SNX16: variants seen among roughly 807,000 people sequenced by gnomAD.
SNX16 encodes the protein sorting nexin 16.
In SNX16, 35 loss-of-function variants were observed where a neutral mutation model predicts 36.7. The ratio of observed to expected loss-of-function variants is 0.95; its 90% CI spans 0.73 to 1.27. The LOEUF (loss-of-function observed/expected upper bound fraction) is 1.27. Among genes scored for constraint, SNX16 ranks in the 50% most tolerant of loss-of-function variants. The pLI is 0.00. For missense variants in SNX16, 367 were observed against 393.6 expected (o/e 0.93, Z 0.57); for synonymous variants, 134 against 132.0 (o/e 1.02, Z -0.10).
chr8:81,832,058 C>G (rs1273325446), intron 2 of SNX16, among the ~76,000 whole-genome samples: 2 of 152,190 alleles, frequency 1.3e-5, no homozygotes, highest in African/African-American at 2.4e-5. Context: ...AATCCCATTC[C>G]TGGGTATATA....
intron 3 of SNX16, among the ~76,000 whole-genome samples, chr8:81,828,389 TTAAG>T (rs561518653): frequency 6.0e-4 from 92 of 152,314 alleles, no homozygotes; most frequent in African/African-American, 2.1e-3. Context: ...ATCTGTGATA[TTAAG>T]TGTTTTCCAG....
intron 5 of SNX16, among the ~76,000 whole-genome samples, chr8:81,807,141 C>T (rs1438061305): frequency 6.6e-6 from 1 of 152,110 alleles, no homozygotes; most frequent in African/African-American, 2.4e-5. Flanking sequence ...AGAATAAGGG[C>T]ACCCTTGTTC....
intron 4 of SNX16, among the ~76,000 whole-genome samples, chr8:81,816,951 ACTG>A (rs1810522405): frequency 6.6e-6 from 1 of 152,164 alleles, no homozygotes; most frequent in Non-Finnish European, 1.5e-5. Flanking sequence ...CTAGTAGAAA[ACTG>A]CAGTTGGCTG....
chr8:81,811,417 A>C (rs565544240), intron 5 of SNX16, among the ~76,000 whole-genome samples: 1 of 152,180 alleles, frequency 6.6e-6, no homozygotes, highest in Non-Finnish European at 1.5e-5. Context: ...CTTGAAAATG[A>C]CCTTAACTTT....
chr8:81,807,902 C>T lies in SNX16; in HGVS notation c.682-4674G>A, dbSNP rs995158634. 4.8e-5 allele frequency: 37 copies of T among 765,910 alleles called. No homozygotes were observed. The East Asian group carries it at 5.4e-4, about 11-fold the overall frequency. The allele number at this position is 765,910 out of a possible 1,614,324, so 47.4% of individuals were successfully genotyped here. On this transcript the variant is annotated intron_variant, in intron 5 of 7. Transcript: ENST00000345957. ...CAATGGGGAACCCTCACGAACTGTG[C>T]GGTAATGAGAAATCCAAACACCAGG... is the stretch of plus-strand genomic sequence containing the variant.
At position 81,810,281 on chromosome 8, in the gene SNX16, A is replaced by G. The variant is rs1162179862; in HGVS notation, c.681+5044T>C. Among the ~76,000 whole-genome samples, 3 of 152,198 alleles carry G rather than the reference A, an allele frequency of 2.0e-5. No individual in the cohort carries two copies. In the East Asian group the frequency reaches 5.8e-4, roughly 29 times the overall value. On this transcript the variant is annotated intron_variant, in intron 5 of 7. Transcript: ENST00000345957. ...CCTAATCTTAATTCCCTCTTTTAGT[A>G]CAAGTATATGAGGGGTAGAAATGAC...
chr8:81,838,563 G>C (rs1811598170), intron 2 of SNX16, among the ~76,000 whole-genome samples: 1 of 147,294 alleles, frequency 6.8e-6, no homozygotes, highest in Non-Finnish European at 1.5e-5. Flanking sequence ...CTGATTAATT[G>C]GTCCCATCTG....
At chr8:81,835,013 C>G (rs541495148) in intron 2 of SNX16, among the ~76,000 whole-genome samples, 1 of 152,250 alleles carries the variant, frequency 6.6e-6, no homozygotes, top group African/African-American at 2.4e-5. Flanking sequence ...CCTGCCCCTA[C>G]AGCAAACTTC....
At chr8:81,817,702 T>C (rs779321198) in intron 4 of SNX16, among the ~76,000 whole-genome samples, 19 of 152,180 alleles carry the variant, frequency 1.2e-4, no homozygotes, top group Non-Finnish European at 1.5e-4. Flanking sequence ...TCTATTTTCT[T>C]TCTAAGGAGA....
intron 5 of SNX16, among the ~76,000 whole-genome samples, chr8:81,810,759 T>C (rs10958045): frequency 0.66 from 100,563 of 151,860 alleles, 33,658 homozygotes; most frequent in South Asian, 0.69. Context: ...TGAGTGGGTA[T>C]GCTATTGGTG....
intron 7 of SNX16, among the ~76,000 whole-genome samples, chr8:81,802,066 G>A (rs1809723649): frequency 6.6e-6 from 1 of 151,566 alleles, no homozygotes; most frequent in African/African-American, 2.4e-5. Flanking sequence ...TATTGAGGGA[G>A]ATTAAGGTAA....
chr8:81,816,819 T>C (rs535022834), intron 4 of SNX16, among the ~76,000 whole-genome samples: 45 of 152,286 alleles, frequency 3.0e-4, no homozygotes, highest in African/African-American at 1.1e-3. Context: ...TGAGTGTGAA[T>C]ATGTGTCCTT....
At chr8:81,808,357 G>A (rs968504464) in intron 5 of SNX16, 3 of 1,302,260 alleles carry the variant, frequency 2.3e-6, no homozygotes, top group African/African-American at 1.4e-5. Flanking sequence ...CAAAGAGGTC[G>A]AAGTGGTTCT....
chr8:81,802,566 A>C, intron 6 of SNX16, 67 bp from the exon 7 acceptor site: 1 of 1,402,838 alleles, frequency 7.1e-7, no homozygotes, highest in Non-Finnish European at 9.8e-7. Context: ...AATGTTGTGA[A>C]TACAGGTAGC....
chr8:81,834,205 C>A (rs2130756941), intron 2 of SNX16, among the ~76,000 whole-genome samples: 1 of 152,254 alleles, frequency 6.6e-6, no homozygotes, highest in Admixed American at 6.5e-5. Flanking sequence ...CAAGGACATT[C>A]CCATTTTTAA....
chr8:81,816,256 C>T (rs1287890387), intron 4 of SNX16, among the ~76,000 whole-genome samples: 1 of 147,932 alleles, frequency 6.8e-6, no homozygotes, highest in Non-Finnish European at 1.5e-5. Context: ...GTGATGTGAT[C>T]TCGGCTCACT....
chr8:81,840,241 AAGAT>A (rs1811684065), intron 1 of SNX16, 159 bp from the exon 2 acceptor site: 1 of 347,740 alleles, frequency 2.9e-6, no homozygotes, highest in East Asian at 4.8e-5. Flanking sequence ...TCCTATTTGC[AAGAT>A]AGAGAGAGCA....
At chr8:81,806,672 A>C (rs1300515059) in intron 5 of SNX16, among the ~76,000 whole-genome samples, 3 of 152,184 alleles carry the variant, frequency 2.0e-5, no homozygotes, top group Non-Finnish European at 4.4e-5. Flanking sequence ...CAAAGAATCT[A>C]TCTAGCAAAA....
chr8:81,808,762 G>C, intron 5 of SNX16: 1 of 1,084,076 alleles, frequency 9.2e-7, no homozygotes, highest in Non-Finnish European at 1.4e-6. Flanking sequence ...CAGGAGAGGA[G>C]AGCCAGAGAA....
Sources: allele counts gnomAD v4.1 joint callset (sites outside exome capture counted in the v4.1 genomes callset), GRCh38; gene constraint gnomAD v4.1.1; transcripts MANE v1.5; gene names NCBI Gene and HGNC (gene_info 2026-07-23, HGNC 2026-07-21).